IARS1: variants seen among roughly 807,000 people sequenced by gnomAD.
IARS1 encodes isoleucyl-tRNA synthetase 1.
Under a neutral mutation model 168.2 loss-of-function variants are expected in IARS1, and 124 were observed. The ratio of observed to expected loss-of-function variants is 0.74; its 90% confidence interval spans 0.64 to 0.86. The LOEUF is 0.86. Among genes scored for constraint, IARS1 ranks in the 40% least tolerant of loss-of-function variants. The pLI is 0.00. For missense variants in IARS1, 1,452 were observed against 1,515.8 expected, an observed-to-expected ratio of 0.96 and a Z score of 0.70; for synonymous variants, 532 against 529.4, an observed-to-expected ratio of 1.00 and a Z score of -0.07.
chr9:92,240,577 T>C (rs1170943155), intron 30 of IARS1: 6 of 645,428 alleles, frequency 9.3e-6, no homozygotes, highest in Admixed American at 2.8e-5. Context: ...TTTTTTTAAT[T>C]GAGGCAGGAT....
chr9:92,228,962 T>G (rs764536783), intron 31 of IARS1, 39 bp downstream of exon 31: 2 of 1,610,752 alleles, frequency 1.2e-6, no homozygotes, highest in Non-Finnish European at 1.7e-6. Context: ...CAATCCATCT[T>G]GAGTCAAAGG....
chr9:92,272,471 G>C (rs1447288496), intron 10 of IARS1, among the ~76,000 whole-genome samples: 1 of 152,216 alleles, frequency 6.6e-6, no homozygotes, highest in Non-Finnish European at 1.5e-5. Context: ...TGTTCAACAG[G>C]ATGACGCACA....
At chr9:92,273,788 A>G (rs966513508) in intron 10 of IARS1, among the ~76,000 whole-genome samples, 2 of 152,232 alleles carry the variant, frequency 1.3e-5, no homozygotes, top group African/African-American at 4.8e-5. Flanking sequence ...CACATTTCCA[A>G]TCCCTCTCAC....
chr9:92,270,272 T>C (rs1044085310), intron 12 of IARS1, among the ~76,000 whole-genome samples: 21 of 152,160 alleles, frequency 1.4e-4, no homozygotes, highest in African/African-American at 5.1e-4. Context: ...GAAGAGGCAA[T>C]GTGGAAACCA....
Position 92,223,433 on chromosome 9 carries a change from C to T in IARS1, c.3466G>A (p.Ala1156Thr). 1.2e-6 allele frequency: 2 copies of T among 1,613,866 alleles called. No individual in the cohort carries two copies. Among genetic ancestry groups the T allele is most frequent in the Non-Finnish European group, 1.7e-6 (2 of 1,179,760 alleles). The change falls in exon 32 of 34, where the codon GCA (alanine) becomes ACA (threonine). Residue 1156 changes from alanine (A) to threonine (T), a missense_variant. Physicochemically the swap from Ala to Thr is moderately conservative, Grantham distance 58. Coordinates refer to ENST00000443024, the MANE Select transcript of IARS1 (RefSeq NM_002161.6). ...SLSGKTLCVT[A>T]GSAPSLINSS... The stretch of plus-strand genomic sequence containing the variant: ...TTGATCAGAGAGGGAGCCGATCCTG[C>T]AGTCACACAAAGTGTTTTTCCACTA...
intron 17 of IARS1, among the ~76,000 whole-genome samples, chr9:92,260,806 A>G (rs1046258842): frequency 1.3e-5 from 2 of 152,218 alleles, no homozygotes; most frequent in Admixed American, 6.5e-5. Context: ...AGAAATGAAA[A>G]CTTACATTAT....
chr9:92,237,181 T>C (rs1827671145), intron 30 of IARS1, among the ~76,000 whole-genome samples: 1 of 152,220 alleles, frequency 6.6e-6, no homozygotes, highest in Admixed American at 6.5e-5. Flanking sequence ...CAGTTTTTAG[T>C]GCAACAGATT....
At chr9:92,211,434 T>TGAGTCTGAGTCCTCCTAGCAGGTTACTGA (rs1837746989) in intron 33 of IARS1, among the ~76,000 whole-genome samples, 2 of 152,204 alleles carry the variant, frequency 1.3e-5, no homozygotes, top group African/African-American at 2.4e-5. Flanking sequence ...TACCTTTTAG[T>TGAGTCTGAGTCCTCCTAGCAGGTTACTGA]GAGTCTGAGT....
chr9:92,210,547 A>G lies in IARS1; in HGVS notation c.*260T>C. On this transcript the variant is annotated 3_prime_UTR_variant, in exon 34 of 34. Transcript: ENST00000443024. ...TGTACTTAAGAACTCAAGTATAGAA[A>G]TAAACTGTGGGCTGAAGTAACATTG... 2.9e-6 allele frequency: 1 copy of G among 343,720 alleles called. No homozygotes were observed. 21.3% of individuals were successfully genotyped at this position (343,720 alleles called of 1,614,324 possible).
In IARS1 at chr9:92,229,065, C is replaced by T; in HGVS notation, c.3345G>A (p.Lys1115=). 1 of 1,614,068 alleles carries T rather than the reference C, an allele frequency of 6.2e-7. No homozygotes were observed. Among genetic ancestry groups the T allele is most frequent in the Non-Finnish European group, 8.5e-7 (1 of 1,180,004 alleles). ...GDNRLDLLKL[K]SVVTSIFGVK... Reference sequence around the variant, plus strand: ...CACCAAAAATGCTAGTGACAACACTCTTCAGCTTTAAAAGGTCCAACCTAT... The same window carrying T: ...CACCAAAAATGCTAGTGACAACACTTTTCAGCTTTAAAAGGTCCAACCTAT... Residue 1115 remains lysine, a synonymous_variant, in exon 31 of 34, where the codon AAG becomes AAA. Coordinates refer to ENST00000443024, the MANE Select transcript of IARS1 (RefSeq NM_002161.6).
chr9:92,248,270 T>C (rs1202881379), intron 25 of IARS1, among the ~76,000 whole-genome samples: 5 of 152,164 alleles, frequency 3.3e-5, no homozygotes, highest in Non-Finnish European at 7.3e-5. Flanking sequence ...GATGGCACAG[T>C]AGCGGATGGG....
At position 92,210,841 on chromosome 9, in the gene IARS1, T is replaced by G. The variant is rs746067861; in HGVS notation, c.3755A>C (p.Tyr1252Ser). Residue 1252 changes from tyrosine to serine, a missense_variant, in exon 34 of 34, where the codon TAT becomes TCT. Physicochemically the swap from Tyr to Ser is moderately radical, Grantham distance 144 (BLOSUM62 -2). Coordinates refer to ENST00000443024, the MANE Select transcript of IARS1 (RefSeq NM_002161.6). Reference sequence around the variant, plus strand: ...TGCTGTTGTTGGTAACACAGAAACATACACAGTCTTCATATTCAAAGTCTT... The same window carrying G: ...TGCTGTTGTTGGTAACACAGAAACAGACACAGTCTTCATATTCAAAGTCTT... Reference protein sequence around the residue: ...PVKTLNMKTVYVSVLPTTADF With the variant: ...PVKTLNMKTVSVSVLPTTADF The G allele has an allele frequency of 6.2e-7, 1 of 1,611,816 alleles. No homozygotes were observed. Among genetic ancestry groups the G allele is most frequent in the Non-Finnish European group, 8.5e-7 (1 of 1,177,878 alleles).
intron 14 of IARS1, among the ~76,000 whole-genome samples, chr9:92,266,598 G>A (rs1367785381): frequency 6.6e-6 from 1 of 152,208 alleles, no homozygotes; most frequent in Non-Finnish European, 1.5e-5. Flanking sequence ...GACAGATGGA[G>A]CCCGATGGGA....
At chr9:92,292,879 T>C (rs1032309386) in intron 1 of IARS1, among the ~76,000 whole-genome samples, 15 of 152,232 alleles carry the variant, frequency 9.9e-5, no homozygotes, top group African/African-American at 3.6e-4. Flanking sequence ...CAGAATTGCT[T>C]CCCTTTTAAA....
chr9:92,266,045 C>T (rs914938758), intron 14 of IARS1, among the ~76,000 whole-genome samples: 1 of 152,156 alleles, frequency 6.6e-6, no homozygotes, highest in African/African-American at 2.4e-5. Context: ...AAAGACACAG[C>T]CTACTCTTAG....
At chr9:92,278,687 C>T (rs1287445734) in intron 7 of IARS1, among the ~76,000 whole-genome samples, 1 of 152,084 alleles carries the variant, frequency 6.6e-6, no homozygotes, top group Non-Finnish European at 1.5e-5. Context: ...TATGTATATA[C>T]AAACAAACAT....
chr9:92,288,626 A>C (rs1357286328), intron 2 of IARS1, among the ~76,000 whole-genome samples: 2 of 152,154 alleles, frequency 1.3e-5, no homozygotes, highest in African/African-American at 4.8e-5. Flanking sequence ...TAATGAAAAC[A>C]CTGATTAAAG....
At chr9:92,242,501 A>G in intron 28 of IARS1, 171 bp from the exon 29 acceptor site, 3 of 582,476 alleles carry the variant, frequency 5.2e-6, no homozygotes, top group Non-Finnish European at 9.1e-6. Flanking sequence ...TCAGTACATG[A>G]TTAACTTTGT....
At chr9:92,280,325 CA>C (rs1397528618) in intron 7 of IARS1, among the ~76,000 whole-genome samples, 1 of 152,096 alleles carries the variant, frequency 6.6e-6, no homozygotes, top group African/African-American at 2.4e-5. Context: ...CACAAAGTAC[CA>C]ATCTTCTTTT....
Sources: allele counts gnomAD v4.1 joint callset (sites outside exome capture counted in the v4.1 genomes callset), GRCh38; gene constraint gnomAD v4.1.1; transcripts MANE v1.5; gene names NCBI Gene and HGNC (gene_info 2026-07-23, HGNC 2026-07-21).